DPP10: variants seen among roughly 807,000 people sequenced by gnomAD.
The protein encoded by DPP10 is dipeptidyl peptidase like 10, also known as inactive dipeptidyl peptidase 10.
Under a neutral mutation model 120.9 loss-of-function variants are expected in DPP10, and 33 were observed. The ratio of observed to expected loss-of-function variants is 0.27; its 90% CI spans 0.21 to 0.37. The LOEUF (loss-of-function observed/expected upper bound fraction) is 0.37. Among genes scored for constraint, DPP10 ranks in the 10% least tolerant of loss-of-function variants. The probability of loss-of-function intolerance (pLI) is 1.00; values close to 1 mark genes in which losing one functional copy is unlikely to be tolerated. For missense variants in DPP10, 816 were observed against 942.8 expected, an observed-to-expected ratio of 0.87 and a Z score of 1.76; for synonymous variants, 337 against 326.1, an observed-to-expected ratio of 1.03 and a Z score of -0.36.
chr2:115,080,307 C>T (rs375183320), intron 1 of DPP10, among the ~76,000 whole-genome samples: 8 of 152,282 alleles, frequency 5.3e-5, no homozygotes, highest in Middle Eastern at 3.4e-3. Flanking sequence ...CATGATCCAC[C>T]GTGCCTGGCC....
chr2:114,549,684 A>AAAAG (rs1558870967), intron 1 of DPP10, among the ~76,000 whole-genome samples: 55 of 69,078 alleles, frequency 8.0e-4, no homozygotes, highest in Non-Finnish European at 9.8e-4. Context: ...AAAAAAAAAA[A>AAAAG]AGAGAGAGAG....
intron 1 of DPP10, among the ~76,000 whole-genome samples, chr2:115,137,610 C>T (rs1045788024): frequency 2.0e-5 from 3 of 152,192 alleles, no homozygotes; most frequent in Admixed American, 6.5e-5. Flanking sequence ...GGAGGCCAGG[C>T]TCTAGTTAAG....
intron 1 of DPP10, among the ~76,000 whole-genome samples, chr2:114,915,066 G>A (rs1694683852): frequency 6.6e-6 from 1 of 151,882 alleles, no homozygotes; most frequent in Non-Finnish European, 1.5e-5. Context: ...GGGAGGCGGA[G>A]CTTGCAGTGA....
At chr2:115,008,671 C>A (rs1205359517) in intron 1 of DPP10, among the ~76,000 whole-genome samples, 1 of 115,052 alleles carries the variant, frequency 8.7e-6, no homozygotes, top group Non-Finnish European at 2.0e-5. Flanking sequence ...ATTTTCGCAA[C>A]CTACTCATCT....
chr2:114,588,139 C>G (rs1691159417), intron 1 of DPP10, among the ~76,000 whole-genome samples: 1 of 152,084 alleles, frequency 6.6e-6, no homozygotes, highest in South Asian at 2.1e-4. Context: ...AATAAAAAAG[C>G]CCTAGATTCA....
chr2:114,559,673 G>T (rs922937996), intron 1 of DPP10, among the ~76,000 whole-genome samples: 13 of 152,052 alleles, frequency 8.5e-5, no homozygotes, highest in African/African-American at 3.1e-4. Context: ...TCCAGAGAGG[G>T]AGTTCTAGAG....
rs149134036 is a variant in DPP10 at position 115,843,756 on chromosome 2, C to G, written c.*1411C>G. Reference sequence around the variant, plus strand: ...GGTGACTAAAGTCAGAATATCTTCTCACTTCACTTAAGGGATCTTCCAGAA... The same window carrying G: ...GGTGACTAAAGTCAGAATATCTTCTGACTTCACTTAAGGGATCTTCCAGAA... On this transcript the variant is annotated 3_prime_UTR_variant, in exon 26 of 26. Coordinates refer to ENST00000410059, the MANE Select transcript of DPP10 (RefSeq NM_020868.6). The G allele has an allele frequency of 5.3e-5, 8 of 152,370 alleles. No individual in the cohort carries two copies. The East Asian group carries it at 1.5e-3, about 29-fold the overall frequency. The allele number at this position is 152,370 out of a possible 1,614,324, so 9.4% of individuals were successfully genotyped here.
At chr2:115,428,443 T>A (rs1057493316) in intron 3 of DPP10, among the ~76,000 whole-genome samples, 9 of 152,198 alleles carry the variant, frequency 5.9e-5, no homozygotes, top group African/African-American at 2.2e-4. Context: ...ACAAGCATAG[T>A]GCTTGCGTTT....
At chr2:114,877,706 A>G (rs1283231002) in intron 1 of DPP10, among the ~76,000 whole-genome samples, 1 of 152,092 alleles carries the variant, frequency 6.6e-6, no homozygotes, top group African/African-American at 2.4e-5. Context: ...CAAGATGACA[A>G]TAGCATCACG....
chr2:115,033,650 C>CT (rs1430233348), intron 1 of DPP10, among the ~76,000 whole-genome samples: 3 of 149,812 alleles, frequency 2.0e-5, no homozygotes, highest in Admixed American at 2.0e-4. Flanking sequence ...ACATTCTACT[C>CT]TAATTGTATA....
intron 1 of DPP10, among the ~76,000 whole-genome samples, chr2:115,256,821 T>A (rs1049556469): frequency 2.0e-5 from 3 of 152,234 alleles, no homozygotes; most frequent in African/African-American, 7.2e-5. Flanking sequence ...GTTCCAACTT[T>A]AACATCAATT....
chr2:114,727,223 T>C (rs1019279142), intron 1 of DPP10, among the ~76,000 whole-genome samples: 1 of 152,168 alleles, frequency 6.6e-6, no homozygotes, highest in Admixed American at 6.5e-5. Context: ...AGGCGATGGC[T>C]GGCAGAGTGG....
At chr2:115,145,913 T>G (rs796559378) in intron 1 of DPP10, among the ~76,000 whole-genome samples, 5 of 152,256 alleles carry the variant, frequency 3.3e-5, no homozygotes, top group African/African-American at 1.2e-4. Flanking sequence ...CTATTGAGAA[T>G]ACCCACAATT....
chr2:114,554,696 A>G (rs1475694890), intron 1 of DPP10, among the ~76,000 whole-genome samples: 1 of 152,214 alleles, frequency 6.6e-6, no homozygotes, highest in African/African-American at 2.4e-5. Context: ...CATGTCCTCA[A>G]AACATCTCCC....
At chr2:114,845,482 G>A (rs1464165519) in intron 1 of DPP10, among the ~76,000 whole-genome samples, 2 of 152,014 alleles carry the variant, frequency 1.3e-5, no homozygotes, top group African/African-American at 2.4e-5. Context: ...GTACCCTCTC[G>A]CCAATCAGTA....
intron 1 of DPP10, chr2:114,461,555 T>A (rs1678917834): frequency 3.1e-6 from 3 of 983,508 alleles, no homozygotes. Context: ...CCTCCTTTTC[T>A]AAGACCAGCC....
intron 1 of DPP10, among the ~76,000 whole-genome samples, chr2:114,513,218 G>A (rs1236275071): frequency 6.6e-6 from 1 of 151,994 alleles, no homozygotes; most frequent in Non-Finnish European, 1.5e-5. Context: ...TCTCAACTTG[G>A]GAATAAGAAA....
chr2:114,607,099 A>T (rs958324281), intron 1 of DPP10, among the ~76,000 whole-genome samples: 2 of 152,168 alleles, frequency 1.3e-5, no homozygotes, highest in African/African-American at 2.4e-5. Context: ...TAATTCTTAC[A>T]AAGTTTGTCT....
intron 1 of DPP10, among the ~76,000 whole-genome samples, chr2:114,968,445 G>A (rs984470694): frequency 1.3e-5 from 2 of 152,014 alleles, no homozygotes; most frequent in African/African-American, 2.4e-5. Flanking sequence ...CTCCTTGATG[G>A]TAAGTATATT....
Sources: gnomAD v4.1 joint callset for allele counts (sites outside exome capture counted in the v4.1 genomes callset) on GRCh38, gnomAD v4.1.1 for gene constraint, MANE v1.5 for transcripts, NCBI Gene and HGNC (gene_info 2026-07-23, HGNC 2026-07-21) for gene names.